The following ANKRD36 variants were observed in gnomAD, a reference collection of about 807,000 sequenced individuals.
ANKRD36 encodes the protein ankyrin repeat domain 36, also known as ankyrin repeat domain-containing protein 36A.
A neutral mutation model predicts 278.1 loss-of-function variants in ANKRD36; 179 were observed. The ratio of observed to expected loss-of-function variants is 0.64; its 90% CI spans 0.57 to 0.73. The LOEUF (loss-of-function observed/expected upper bound fraction) is 0.73. ANKRD36 is among the 30% of genes least tolerant of loss of function. The pLI, the probability that ANKRD36 is intolerant of heterozygous loss-of-function variation, is 0.00. For synonymous variants in ANKRD36, 320 were observed against 641.1 expected, an observed-to-expected ratio of 0.50 and a Z score of 7.57; for missense variants, 1,159 against 1,956.7, an observed-to-expected ratio of 0.59 and a Z score of 7.69.
intron 39 of ANKRD36, 43 bp downstream of exon 39, chr2:97,194,797 G>A (rs1453610701): frequency 8.7e-6 from 14 of 1,602,874 alleles, no homozygotes; most frequent in Admixed American, 6.7e-5. Flanking sequence ...TAAACGTATA[G>A]CCTATGAAAC....
At chr2:97,164,571 G>A (rs2050125110) in intron 20 of ANKRD36, 102 bp downstream of exon 20, 3 of 1,296,086 alleles carry the variant, frequency 2.3e-6, no homozygotes, top group South Asian at 2.7e-5. Flanking sequence ...TGAGATGGAA[G>A]GATTTGATGT....
chr2:97,211,555 C>A lies in ANKRD36; in HGVS notation c.3377C>A (p.Pro1126Gln), dbSNP rs10171441. Residue 1126 changes from proline (P) to glutamine (Q), a missense_variant, in exon 57 of 76, where the codon CCG becomes CAG. By Grantham distance (76) the Pro-to-Gln change is moderately conservative. Coordinates refer to ENST00000420699, the MANE Select transcript of ANKRD36 (RefSeq NM_001354587.1). ...DGEKSRTVSS[P>Q]KQPALKAICD... ...CCCTTTTGCTTTTCAGTGTCTTCTCCGAAACAACCAGCATTGAAGGTAATT... is the reference window on the plus strand; with the variant it reads ...CCCTTTTGCTTTTCAGTGTCTTCTCAGAAACAACCAGCATTGAAGGTAATT... The A allele has an allele frequency of 0.84, 1,340,706 of 1,605,440 alleles. 577,605 individuals are homozygous for A. The highest frequency in any genetic ancestry group is 0.89 in the Non-Finnish European group (1,049,259 of 1,174,790).
chr2:97,192,717 T>A, intron 36 of ANKRD36, 141 bp from the exon 37 acceptor site: 1 of 1,221,730 alleles, frequency 8.2e-7, no homozygotes, highest in East Asian at 2.5e-5. Flanking sequence ...CACGTTCTAG[T>A]CCCCAGACTA....
At chr2:97,181,029 G>A (rs988075272) in intron 24 of ANKRD36, among the ~76,000 whole-genome samples, 1 of 151,586 alleles carries the variant, frequency 6.6e-6, no homozygotes, top group African/African-American at 2.4e-5. Flanking sequence ...ACACCACATG[G>A]GTGTGAGAAA....
At chr2:97,237,257 T>G (rs1398422579) in intron 68 of ANKRD36, among the ~76,000 whole-genome samples, 1 of 151,110 alleles carries the variant, frequency 6.6e-6, no homozygotes, top group Non-Finnish European at 1.5e-5. Flanking sequence ...CAATACATGT[T>G]TAGCCTCCTT....
At chr2:97,208,313 G>A (rs1240673270) in intron 54 of ANKRD36, among the ~76,000 whole-genome samples, 2 of 146,642 alleles carry the variant, frequency 1.4e-5, no homozygotes, top group Non-Finnish European at 3.0e-5. Flanking sequence ...TTTCAGTAAG[G>A]GTGGAAGGAG....
At position 97,206,118 on chromosome 2, in the gene ANKRD36, GAGAAAA is replaced by G; in HGVS notation, c.3148_3153del (p.Glu1050_Lys1051del). The G allele has an allele frequency of 6.5e-7, 1 of 1,542,644 alleles. No homozygotes were observed. Among genetic ancestry groups the G allele is most frequent in the South Asian group, 1.2e-5 (1 of 83,596 alleles). The stretch of plus-strand genomic sequence containing the variant: ...AGTATAGCCAGAGAAAACAAGGATG[GAGAAAA>G]ATCTAGGACAGGTAATTCTGAAAAC... On this transcript the variant is annotated inframe_deletion, in exon 52 of 76. Transcript: ENST00000420699.
chr2:97,192,448 A>G (rs1184512206), intron 36 of ANKRD36, among the ~76,000 whole-genome samples: 4 of 151,746 alleles, frequency 2.6e-5, no homozygotes, highest in Non-Finnish European at 4.4e-5. Flanking sequence ...GAACGTTTGT[A>G]GTATAATGGT....
At chr2:97,216,464 T>A (rs1215206891) in intron 62 of ANKRD36, among the ~76,000 whole-genome samples, 4 of 152,238 alleles carry the variant, frequency 2.6e-5, no homozygotes, top group African/African-American at 9.6e-5. Context: ...TAGAAGTATG[T>A]CAAAATTGAT....
intron 28 of ANKRD36, among the ~76,000 whole-genome samples, chr2:97,184,433 T>A (rs2056954420): frequency 6.6e-6 from 1 of 151,742 alleles, no homozygotes; most frequent in African/African-American, 2.4e-5. Flanking sequence ...AAATAGCTAT[T>A]TAGTGAAAAT....
intron 50 of ANKRD36, among the ~76,000 whole-genome samples, chr2:97,204,768 G>T (rs993079956): frequency 1.3e-5 from 2 of 151,532 alleles, no homozygotes; most frequent in Non-Finnish European, 3.0e-5. Flanking sequence ...ATATAATTTT[G>T]GGGTTTCTGC....
intron 6 of ANKRD36, among the ~76,000 whole-genome samples, chr2:97,140,947 A>ATGAG (rs961666525): frequency 1.3e-5 from 2 of 151,896 alleles, no homozygotes; most frequent in African/African-American, 4.8e-5. Flanking sequence ...AGTTAGAAGG[A>ATGAG]TGAGGGTGAC....
At chr2:97,208,352 T>G (rs1471381829) in intron 54 of ANKRD36, among the ~76,000 whole-genome samples, 1 of 146,596 alleles carries the variant, frequency 6.8e-6, no homozygotes, top group Non-Finnish European at 1.5e-5. Context: ...ATTTACACAC[T>G]TCAGCTCGTA....
intron 20 of ANKRD36, 85 bp downstream of exon 20, chr2:97,164,554 A>T (rs2050116486): frequency 7.0e-7 from 1 of 1,427,492 alleles, no homozygotes; most frequent in Non-Finnish European, 9.5e-7. Flanking sequence ...CCCACTTTTT[A>T]TCCAAGTGAG....
chr2:97,145,030 A>T (rs1342653596), intron 10 of ANKRD36, among the ~76,000 whole-genome samples: 1 of 151,986 alleles, frequency 6.6e-6, no homozygotes, highest in African/African-American at 2.4e-5. Flanking sequence ...GGGAAGGAGA[A>T]CAAGATGAAG....
At chr2:97,121,645 C>CAAAT (rs953911421) in intron 3 of ANKRD36, among the ~76,000 whole-genome samples, 1 of 151,684 alleles carries the variant, frequency 6.6e-6, no homozygotes, top group Non-Finnish European at 1.5e-5. Context: ...GACTCCATCC[C>CAAAT]AAATAAATAA....
chr2:97,232,018 T>C (rs1327519040), intron 67 of ANKRD36, among the ~76,000 whole-genome samples: 3 of 151,900 alleles, frequency 2.0e-5, no homozygotes, highest in African/African-American at 4.8e-5. Flanking sequence ...AAACAAACAG[T>C]GACAAATTAA....
At chr2:97,182,012 G>A (rs1405630833) in intron 26 of ANKRD36, among the ~76,000 whole-genome samples, 2 of 151,372 alleles carry the variant, frequency 1.3e-5, no homozygotes, top group Non-Finnish European at 3.0e-5. Context: ...AAGAAGAAAC[G>A]TTGGAGAGCC....
intron 66 of ANKRD36, among the ~76,000 whole-genome samples, chr2:97,220,771 T>TTTA (rs1321786492): frequency 1.6e-5 from 2 of 128,848 alleles, no homozygotes; most frequent in Non-Finnish European, 3.1e-5. Flanking sequence ...CTTTTTTTTT[T>TTTA]TTAATTTTTT....
Sources: allele counts gnomAD v4.1 joint callset (sites outside exome capture counted in the v4.1 genomes callset), GRCh38; gene constraint gnomAD v4.1.1; transcripts MANE v1.5; gene names NCBI Gene and HGNC (gene_info 2026-07-23, HGNC 2026-07-21).